SLC2A9: variants seen among roughly 807,000 people sequenced by gnomAD.
The protein encoded by SLC2A9 is solute carrier family 2 member 9, also known as solute carrier family 2, facilitated glucose transporter member 9.
A neutral mutation model predicts 50.6 loss-of-function variants in SLC2A9; 39 were observed. The observed-to-expected ratio is 0.77, with a 90% CI of 0.60 to 1.01. The LOEUF (loss-of-function observed/expected upper bound fraction) is 1.01, where lower values mean the gene tolerates loss of function less well. Ranked by LOEUF, SLC2A9 falls within the 50% of genes least tolerant of loss-of-function variation. The pLI is 0.00. For missense variants in SLC2A9, 686 were observed against 677.6 expected (o/e 1.01, Z -0.14); for synonymous variants, 324 against 276.9 (o/e 1.17, Z -1.69).
chr4:9,908,114 C>T (rs1017206161), intron 8 of SLC2A9, 121 bp downstream of exon 8: 12 of 769,022 alleles, frequency 1.6e-5, no homozygotes, highest in Non-Finnish European at 2.6e-5. Context: ...TAGGAAACCA[C>T]ATTGTCCTAA....
chr4:10,006,428 T>C (rs967775734), intron 2 of SLC2A9: 1 of 152,100 alleles, frequency 6.6e-6, no homozygotes, highest in African/African-American at 2.4e-5. Context: ...AGAGAGGAAG[T>C]CATGCCACAA....
chr4:9,988,714 C>T (rs1404793386), intron 3 of SLC2A9, among the ~76,000 whole-genome samples: 1 of 152,112 alleles, frequency 6.6e-6, no homozygotes, highest in Non-Finnish European at 1.5e-5. Flanking sequence ...GTAGAATCTT[C>T]CCCATGAAAC....
intron 9 of SLC2A9, among the ~76,000 whole-genome samples, chr4:9,890,122 C>T (rs1443733584): frequency 1.3e-5 from 2 of 152,166 alleles, no homozygotes; most frequent in Non-Finnish European, 2.9e-5. Context: ...CGGAGAGGAG[C>T]TGACTTGCTA....
At chr4:10,012,231 G>A (rs962313986) in intron 2 of SLC2A9, among the ~76,000 whole-genome samples, 9 of 152,220 alleles carry the variant, frequency 5.9e-5, no homozygotes, top group Non-Finnish European at 1.3e-4. Flanking sequence ...ACAGAAAGAA[G>A]GGATACTCAG....
At chr4:9,898,036 G>A (rs967543966) in intron 8 of SLC2A9, among the ~76,000 whole-genome samples, 2 of 152,160 alleles carry the variant, frequency 1.3e-5, no homozygotes, top group Non-Finnish European at 2.9e-5. Flanking sequence ...AGAGAGGCAC[G>A]GGACATTCTC....
At chr4:9,844,591 T>C (rs1728652236) in intron 10 of SLC2A9, among the ~76,000 whole-genome samples, 2 of 152,266 alleles carry the variant, frequency 1.3e-5, no homozygotes, top group Non-Finnish European at 2.9e-5. Context: ...AGACTTACTT[T>C]TTGAAAACTG....
rs75245282 is a variant in SLC2A9, at chr4:9,950,384, C to T, written c.682-8339G>A. 1.1e-4 allele frequency among the ~76,000 whole-genome samples: 16 copies of T among 152,222 alleles called. No individual in the cohort carries two copies. In the East Asian group the frequency reaches 2.7e-3, roughly 26 times the overall value. On this transcript the variant is annotated intron_variant, in intron 5 of 11. Coordinates refer to ENST00000264784, the MANE Select transcript of SLC2A9 (RefSeq NM_020041.3). ...GAGAGAAGCACCCACATAGAGCCCCCCCATGGGTCATCTTTCAAGAAATGC... is the reference window on the plus strand; with the variant it reads ...GAGAGAAGCACCCACATAGAGCCCCTCCATGGGTCATCTTTCAAGAAATGC...
chr4:9,836,584 G>A (rs1342162651), intron 10 of SLC2A9, among the ~76,000 whole-genome samples: 1 of 152,234 alleles, frequency 6.6e-6, no homozygotes, highest in East Asian at 1.9e-4. Flanking sequence ...GACACCTGAA[G>A]GAGGCAGAGA....
chr4:10,009,988 T>C (rs1257164812), intron 2 of SLC2A9, among the ~76,000 whole-genome samples: 2 of 152,258 alleles, frequency 1.3e-5, no homozygotes, highest in Non-Finnish European at 2.9e-5. Context: ...GAGTTATTCA[T>C]GGCAGACCTC....
chr4:9,785,029 A>G (rs1212819132), intron 3 of SLC2A9, among the ~76,000 whole-genome samples: 2 of 152,182 alleles, frequency 1.3e-5, no homozygotes, highest in Admixed American at 1.3e-4. Context: ...TTTATATATA[A>G]TTTAGTCAAA....
intron 8 of SLC2A9, 53 bp from the exon 9 acceptor site, chr4:9,890,764 A>C: frequency 1.3e-6 from 2 of 1,499,172 alleles, no homozygotes; most frequent in South Asian, 1.2e-5. Flanking sequence ...TCTAACCACA[A>C]CAGGGGAATG....
At chr4:9,937,828 G>A (rs1002448073) in intron 6 of SLC2A9, among the ~76,000 whole-genome samples, 1 of 152,128 alleles carries the variant, frequency 6.6e-6, no homozygotes, top group African/African-American at 2.4e-5. Flanking sequence ...TGTGTTTGGT[G>A]CACAGGTGAG....
intron 11 of SLC2A9, among the ~76,000 whole-genome samples, chr4:9,831,688 C>G (rs1227065754): frequency 6.6e-6 from 1 of 152,122 alleles, no homozygotes; most frequent in African/African-American, 2.4e-5. Flanking sequence ...GTTCTGGTGC[C>G]CAGAGAAAGA....
intron 5 of SLC2A9, among the ~76,000 whole-genome samples, chr4:9,975,958 G>C (rs1274880984): frequency 6.6e-6 from 1 of 152,172 alleles, no homozygotes; most frequent in Non-Finnish European, 1.5e-5. Flanking sequence ...AACATAGATG[G>C]AGCTGGAGGC....
intron 3 of SLC2A9, chr4:9,784,099 T>C (rs367668848): frequency 1.9e-5 from 3 of 161,198 alleles, no homozygotes; most frequent in Admixed American, 6.5e-5. Flanking sequence ...GCAAAGAAGA[T>C]ATTTGCTGGG....
intron 3 of SLC2A9, among the ~76,000 whole-genome samples, chr4:9,799,503 C>T (rs530479520): frequency 6.6e-6 from 1 of 152,126 alleles, no homozygotes; most frequent in Non-Finnish European, 1.5e-5. Context: ...GCCCAAATGC[C>T]TTAATCAGCT....
At chr4:9,879,619 G>T (rs1734873311) in intron 10 of SLC2A9, 7 of 985,324 alleles carry the variant, frequency 7.1e-6, no homozygotes, top group Non-Finnish European at 8.4e-6. Flanking sequence ...ATCTTCTGGG[G>T]TGCTCAGACC....
rs1763497685 is a variant in SLC2A9 at position 10,021,434 on chromosome 4, C to T, written c.-5G>A. 1 of 1,614,162 alleles carries T rather than the reference C, an allele frequency of 6.2e-7. No homozygotes were observed. The highest frequency in any genetic ancestry group is 8.5e-7 in the Non-Finnish European group (1 of 1,180,028). On this transcript the variant is annotated 5_prime_UTR_variant, in exon 1 of 12. Coordinates refer to ENST00000264784, the MANE Select transcript of SLC2A9 (RefSeq NM_020041.3). ...CCTATTTTGTTTCCTTGCCATGGGT[C>T]TCAGTGACCCAGCTGATGGCTCAGT...
chr4:9,778,716 G>A (rs867043993), downstream of SLC2A9, among the ~76,000 whole-genome samples: 30 of 152,140 alleles, frequency 2.0e-4, 1 homozygote, highest in Admixed American at 1.8e-3. Context: ...TTGGAGCACC[G>A]CCCAGGTCAA....
Sources: allele counts gnomAD v4.1 joint callset (sites outside exome capture counted in the v4.1 genomes callset), GRCh38; gene constraint gnomAD v4.1.1; transcripts MANE v1.5; gene names NCBI Gene and HGNC (gene_info 2026-07-23, HGNC 2026-07-21).